Variants in XRN1 observed in about 807,000 individuals in gnomAD.
XRN1 encodes the protein 5'-3' exoribonuclease 1.
A neutral mutation model predicts 222.3 loss-of-function variants in XRN1; 67 were observed. That is an observed-to-expected ratio of 0.30 (90% confidence interval 0.25 to 0.37). The LOEUF is 0.37. XRN1 is among the 10% of genes least tolerant of loss of function. The pLI is 1.00. For missense variants in XRN1, 1,707 were observed against 2,000.2 expected, an observed-to-expected ratio of 0.85 and a Z score of 2.80; for synonymous variants, 643 against 652.4, an observed-to-expected ratio of 0.99 and a Z score of 0.22.
intron 33 of XRN1, among the ~76,000 whole-genome samples, 178 bp from the exon 34 acceptor site, chr3:142,335,687 A>C (rs1240652947): frequency 6.6e-6 from 1 of 152,192 alleles, no homozygotes; most frequent in Non-Finnish European, 1.5e-5. Context: ...TTAGATAATA[A>C]TAGAGAAAAT....
At chr3:142,407,017 A>T (rs1054106877) in intron 15 of XRN1, among the ~76,000 whole-genome samples, 1 of 152,210 alleles carries the variant, frequency 6.6e-6, no homozygotes, top group Non-Finnish European at 1.5e-5. Flanking sequence ...TCACTCCTTG[A>T]AAACAGTGAG....
chr3:142,416,186 TTTATTTGA>T (rs2068779414), intron 13 of XRN1, among the ~76,000 whole-genome samples: 1 of 152,184 alleles, frequency 6.6e-6, no homozygotes, highest in Non-Finnish European at 1.5e-5. Context: ...TATTTATTTA[TTTATTTGA>T]GAGACAGAGT....
chr3:142,431,948 A>AATATATT (rs1553744774), intron 2 of XRN1, among the ~76,000 whole-genome samples: 1 of 83,138 alleles, frequency 1.2e-5, no homozygotes, highest in African/African-American at 4.7e-5. Context: ...TATATTATAT[A>AATATATT]ATATATTATA....
chr3:142,388,724 A>G (rs577997476), intron 20 of XRN1, among the ~76,000 whole-genome samples: 1 of 152,328 alleles, frequency 6.6e-6, no homozygotes, highest in South Asian at 2.1e-4. Context: ...ATGCAATGCT[A>G]TTTTATAGCA....
At chr3:142,403,308 A>G (rs2108027751) in intron 18 of XRN1, among the ~76,000 whole-genome samples, 1 of 152,308 alleles carries the variant, frequency 6.6e-6, no homozygotes, top group Admixed American at 6.5e-5. Context: ...GACATTTTTG[A>G]CTGAAATGAC....
At chr3:142,319,184 G>C (rs1191210115) in intron 37 of XRN1, among the ~76,000 whole-genome samples, 2 of 152,158 alleles carry the variant, frequency 1.3e-5, no homozygotes, top group Non-Finnish European at 2.9e-5. Context: ...ACAAACTATG[G>C]AGTTCTGCCT....
At chr3:142,423,001 CA>C in intron 6 of XRN1, 79 bp from the exon 7 acceptor site, 1 of 1,120,516 alleles carries the variant, frequency 8.9e-7, no homozygotes, top group Admixed American at 2.1e-5. Flanking sequence ...AAGCTTAAAT[CA>C]AAAGTATCAT....
chr3:142,412,451 A>G, intron 15 of XRN1, 93 bp downstream of exon 15: 1 of 1,377,796 alleles, frequency 7.3e-7, no homozygotes, highest in Non-Finnish European at 9.5e-7. Context: ...AACAAAACAT[A>G]AATGGTGATT....
chr3:142,314,408 ATTC>A (rs1377052148), intron 39 of XRN1, among the ~76,000 whole-genome samples: 2 of 152,162 alleles, frequency 1.3e-5, no homozygotes, highest in Non-Finnish European at 2.9e-5. Flanking sequence ...TCATAAGACA[ATTC>A]TTCTTTAGAG....
intron 33 of XRN1, among the ~76,000 whole-genome samples, chr3:142,339,862 A>G (rs531755013): frequency 1.3e-5 from 2 of 152,350 alleles, no homozygotes; most frequent in Non-Finnish European, 1.5e-5. Flanking sequence ...GAGGAAACTC[A>G]AAGAAATTCT....
Position 142,345,198 on chromosome 3 carries a change from G to T in XRN1, c.3877+2036C>A, listed in dbSNP as rs150145183. Among the ~76,000 whole-genome samples, 37 of 152,276 alleles carry T rather than the reference G, an allele frequency of 2.4e-4. No individual in the cohort carries two copies. The South Asian group carries it at 7.3e-3, about 30-fold the overall frequency. ...CAATCCTCCTGCCTCAGACTCCTGGGCAGCTGGTACTACAGATGCATGCCT... is the reference window on the plus strand; with the variant it reads ...CAATCCTCCTGCCTCAGACTCCTGGTCAGCTGGTACTACAGATGCATGCCT... On this transcript the variant is annotated intron_variant, in intron 33 of 40. Coordinates refer to ENST00000392981, the MANE Select transcript of XRN1 (RefSeq NM_001282857.2).
At chr3:142,412,159 T>G (rs77808385) in intron 15 of XRN1, among the ~76,000 whole-genome samples, 10,625 of 152,232 alleles carry the variant, frequency 0.07, 1,245 homozygotes, top group African/African-American at 0.24. Context: ...GTGTTATTAA[T>G]TCTTCAGAGA....
At chr3:142,370,670 CTATAAAT>C in intron 26 of XRN1, 50 bp from the exon 27 acceptor site, 1 of 1,481,532 alleles carries the variant, frequency 6.7e-7, no homozygotes, top group Non-Finnish European at 9.0e-7. Flanking sequence ...TTTCTCAGGG[CTATAAAT>C]TATAAAAGAC....
At chr3:142,323,220 T>G (rs908173296) in intron 37 of XRN1, among the ~76,000 whole-genome samples, 2 of 152,160 alleles carry the variant, frequency 1.3e-5, no homozygotes, top group South Asian at 4.1e-4. Context: ...TTGATAAGGT[T>G]TCAGATTCCA....
intron 39 of XRN1, among the ~76,000 whole-genome samples, chr3:142,314,668 G>A (rs998420655): frequency 6.6e-6 from 1 of 151,820 alleles, no homozygotes; most frequent in African/African-American, 2.4e-5. Flanking sequence ...ACTTTGGGAT[G>A]CCGAGGCTGG....
intron 36 of XRN1, among the ~76,000 whole-genome samples, chr3:142,332,080 T>C (rs924883775): frequency 1.6e-4 from 24 of 152,118 alleles, no homozygotes; most frequent in African/African-American, 5.3e-4. Flanking sequence ...GCCAGTTATA[T>C]TATTATATAA....
At chr3:142,313,173 GCCTACAAAAAAACCAAAAAA>G (rs777345660) in intron 39 of XRN1, 2 of 1,612,470 alleles carry the variant, frequency 1.2e-6, no homozygotes, top group Non-Finnish European at 8.5e-7. Context: ...AGTGATCCCA[GCCTACAAAAAAACCAAAAAA>G]CCTCAAGTCC....
intron 32 of XRN1, among the ~76,000 whole-genome samples, chr3:142,350,706 A>G (rs978319756): frequency 6.6e-6 from 1 of 152,174 alleles, no homozygotes; most frequent in African/African-American, 2.4e-5. Flanking sequence ...CCAATTCTAG[A>G]CATATTTGAA....
Position 142,417,139 on chromosome 3 carries a change from C to T in XRN1, c.1436+1G>A. On this transcript the variant is annotated splice_donor_variant, in intron 13 of 40. Coordinates refer to ENST00000392981, the MANE Select transcript of XRN1 (RefSeq NM_001282857.2). LOFTEE classifies it high-confidence loss of function. ...CTTTATTTTTGTTTTTATTCTCTCA[C>T]CAGCTCCAGGACTGAACTCCATGAT... is the stretch of plus-strand genomic sequence containing the variant. 1 of 1,605,874 alleles carries T rather than the reference C, an allele frequency of 6.2e-7. No homozygotes were observed. The highest frequency in any genetic ancestry group is 8.5e-7 in the Non-Finnish European group (1 of 1,175,482).
Sources: gnomAD v4.1 joint callset for allele counts (sites outside exome capture counted in the v4.1 genomes callset) on GRCh38, gnomAD v4.1.1 for gene constraint, MANE v1.5 for transcripts, NCBI Gene and HGNC (gene_info 2026-07-23, HGNC 2026-07-21) for gene names.